The following ELMO1 variants were observed in gnomAD, a reference collection of about 807,000 sequenced individuals.
The protein encoded by ELMO1 is engulfment and cell motility protein 1.
ELMO1 carries 26 observed loss-of-function variants against 98.9 expected under a neutral mutation model. The ratio of observed to expected loss-of-function variants is 0.26; its 90% CI spans 0.19 to 0.36. The LOEUF (loss-of-function observed/expected upper bound fraction) is 0.36, where lower values mean the gene tolerates loss of function less well. Among genes scored for constraint, ELMO1 ranks in the 10% least tolerant of loss-of-function variants. The probability of loss-of-function intolerance (pLI) is 1.00; values close to 1 mark genes in which losing one functional copy is unlikely to be tolerated. For synonymous variants in ELMO1, 346 were observed against 346.0 expected, an observed-to-expected ratio of 1.00 and a Z score of 0.00; for missense variants, 627 against 935.2, an observed-to-expected ratio of 0.67 and a Z score of 4.30.
intron 13 of ELMO1, among the ~76,000 whole-genome samples, chr7:37,169,201 G>C (rs1376036975): frequency 6.6e-6 from 1 of 152,202 alleles, no homozygotes; most frequent in African/African-American, 2.4e-5. Context: ...GAAAAGCGCA[G>C]TATTCGGGTG....
At position 37,188,501 on chromosome 7, in the gene ELMO1, A is replaced by ATAATAATAAT. The variant is rs1554438184; in HGVS notation, c.1086+22884_1086+22885insATTATTATTA. On this transcript the variant is annotated intron_variant, in intron 13 of 21. Transcript: ENST00000310758. ...CTGGAGAAAGGTAAAAAAAAAAAAAAAATAATAATAATAATAATAATAATA... is the reference window on the plus strand; with the variant it reads ...CTGGAGAAAGGTAAAAAAAAAAAAAATAATAATAATAATAATAATAATAATAATAATAATA... Among the ~76,000 whole-genome samples, 243 of 125,940 alleles carry ATAATAATAAT rather than the reference A, an allele frequency of 1.9e-3. 7 individuals are homozygous for ATAATAATAAT. The highest frequency in any genetic ancestry group is 2.4e-3 in the East Asian group (11 of 4,546). 82.6% of individuals were successfully genotyped at this position (125,940 alleles called of 152,430 possible). A position where few individuals can be genotyped will look rare whatever the true frequency, so the allele number is the denominator to read the frequency against.
chr7:37,004,838 C>T (rs954486506), intron 16 of ELMO1, among the ~76,000 whole-genome samples: 3 of 151,976 alleles, frequency 2.0e-5, no homozygotes, highest in South Asian at 2.1e-4. Context: ...GGGCCGGGCG[C>T]GGTGGCTCAT....
At chr7:37,168,634 G>A (rs1044234939) in intron 13 of ELMO1, among the ~76,000 whole-genome samples, 8 of 152,128 alleles carry the variant, frequency 5.3e-5, no homozygotes, top group Non-Finnish European at 7.3e-5. Context: ...TATCAGCAGC[G>A]GTGTTTGCAG....
chr7:36,857,830 C>T (rs1385708996), intron 21 of ELMO1, among the ~76,000 whole-genome samples: 1 of 152,142 alleles, frequency 6.6e-6, no homozygotes, highest in Admixed American at 6.5e-5. Flanking sequence ...TTTCCCACTA[C>T]AAGTAATCAA....
intron 19 of ELMO1, among the ~76,000 whole-genome samples, chr7:36,877,119 G>A (rs978498755): frequency 6.6e-6 from 1 of 152,068 alleles, no homozygotes; most frequent in Non-Finnish European, 1.5e-5. Context: ...TGGGCCCCAG[G>A]GTAACAGGAC....
At chr7:36,914,831 T>G (rs1784579018) in intron 16 of ELMO1, among the ~76,000 whole-genome samples, 1 of 152,182 alleles carries the variant, frequency 6.6e-6, no homozygotes, top group South Asian at 2.1e-4. Flanking sequence ...TGTACATTCT[T>G]AACTCTCCAT....
chr7:37,108,979 T>C (rs939699362), intron 14 of ELMO1, among the ~76,000 whole-genome samples: 1 of 152,228 alleles, frequency 6.6e-6, no homozygotes, highest in African/African-American at 2.4e-5. Context: ...TTCCCTATTC[T>C]ATGTCATTTG....
chr7:36,887,666 T>G lies in ELMO1; in HGVS notation c.1608A>C (p.Leu536=), dbSNP rs1456341562. The change falls in exon 18 of 22, where the codon CTA becomes CTC. Residue 536 remains leucine, a synonymous_variant. Coordinates refer to ENST00000310758, the MANE Select transcript of ELMO1 (RefSeq NM_014800.11). ...EDFQSRPILE[L]KEKIQPEILE... is the part of the protein sequence containing the mutation. Reference sequence around the variant, plus strand: ...AGATTTCTGGCTGAATCTTCTCCTTTAGTTCCCTGTTAGAGGAAAAACACA... The same window carrying G: ...AGATTTCTGGCTGAATCTTCTCCTTGAGTTCCCTGTTAGAGGAAAAACACA... The G allele has an allele frequency of 6.2e-7, 1 of 1,614,030 alleles. No individual in the cohort carries two copies. Among genetic ancestry groups the G allele is most frequent in the East Asian group, 2.2e-5 (1 of 44,870 alleles).
At position 37,376,116 on chromosome 7, in the gene ELMO1, T is replaced by G. The variant is rs1029158114; in HGVS notation, c.-73-33353A>C. On this transcript the variant is annotated intron_variant, in intron 1 of 21. Transcript: ENST00000310758. ...AAACAAACAAAAAAAACACTGATTC[T>G]TACAGCTCTTGAAGGAAGTGATGAA... is the stretch of plus-strand genomic sequence containing the variant. The G allele has an allele frequency of 2.2e-5, 7 of 325,436 alleles. 1 individual carries two copies. Among genetic ancestry groups the G allele is most frequent in the South Asian group, 8.3e-5 (3 of 36,360 alleles). The allele number at this position is 325,436 out of a possible 1,614,324, so 20.2% of individuals were successfully genotyped here. A position where few individuals can be genotyped will look rare whatever the true frequency, so the allele number is the denominator to read the frequency against.
At chr7:37,163,598 T>C (rs1417639827) in intron 13 of ELMO1, among the ~76,000 whole-genome samples, 1 of 151,680 alleles carries the variant, frequency 6.6e-6, no homozygotes, top group African/African-American at 2.4e-5. Context: ...CGGTGTTTGG[T>C]TTTTTGTTCT....
At chr7:36,967,598 G>A (rs1214570660) in intron 16 of ELMO1, among the ~76,000 whole-genome samples, 1 of 152,130 alleles carries the variant, frequency 6.6e-6, no homozygotes, top group Non-Finnish European at 1.5e-5. Context: ...GGGAGAGAAA[G>A]GACAGAGAAA....
In ELMO1 at chr7:37,282,617, C is replaced by G. The variant is rs549252262; in HGVS notation, c.193-10735G>C. On this transcript the variant is annotated intron_variant, in intron 4 of 21. Coordinates refer to ENST00000310758, the MANE Select transcript of ELMO1 (RefSeq NM_014800.11). ...CCCTAAAATAAAATCCAGACACCAC[C>G]CCCCAAAAAAAGAAACAGGGGAAAA... Among the ~76,000 whole-genome samples, 12 of 61,300 alleles carry G rather than the reference C, an allele frequency of 2.0e-4. No homozygotes were observed. The South Asian group carries it at 4.6e-3, about 23-fold the overall frequency. 40.2% of individuals were successfully genotyped at this position (61,300 alleles called of 152,430 possible). A position where few individuals can be genotyped will look rare whatever the true frequency, so the allele number is the denominator to read the frequency against.
chr7:37,183,180 G>A (rs375356633), intron 13 of ELMO1, among the ~76,000 whole-genome samples: 1 of 150,794 alleles, frequency 6.6e-6, no homozygotes, highest in Admixed American at 6.6e-5. Context: ...CTGAAGAGGA[G>A]GACGATCTGG....
intron 18 of ELMO1, among the ~76,000 whole-genome samples, chr7:36,882,458 G>C (rs921561044): frequency 8.5e-5 from 13 of 152,342 alleles, no homozygotes; most frequent in African/African-American, 3.1e-4. Context: ...CAGAGACGAA[G>C]GGCATCAAAT....
intron 14 of ELMO1, among the ~76,000 whole-genome samples, chr7:37,104,683 G>A (rs1784843198): frequency 6.6e-6 from 1 of 152,218 alleles, no homozygotes; most frequent in South Asian, 2.1e-4. Context: ...CCAGGCAGCT[G>A]AGATGGGCTT....
chr7:37,209,524 C>T lies in ELMO1; in HGVS notation c.1086+1862G>A, dbSNP rs1284898723. 4.6e-5 allele frequency among the ~76,000 whole-genome samples: 7 copies of T among 152,314 alleles called. No individual in the cohort carries two copies. In the South Asian group the frequency reaches 1.0e-3, roughly 23 times the overall value. ...GGAGCACCCTAGAACCAGGCTCTCC[C>T]TCAGAAGAGGAATCAATTAAGAGTA... On this transcript the variant is annotated intron_variant, in intron 13 of 21. Coordinates refer to ENST00000310758, the MANE Select transcript of ELMO1 (RefSeq NM_014800.11).
chr7:37,145,855 T>C (rs1175444228), intron 13 of ELMO1, among the ~76,000 whole-genome samples: 5 of 152,228 alleles, frequency 3.3e-5, no homozygotes, highest in African/African-American at 1.2e-4. Context: ...TATTCAAGGC[T>C]ATTTCTTGAG....
chr7:37,027,654 C>A (rs1794655534), intron 15 of ELMO1, among the ~76,000 whole-genome samples: 1 of 152,084 alleles, frequency 6.6e-6, no homozygotes, highest in Non-Finnish European at 1.5e-5. Context: ...GTCCCTTAAA[C>A]AAGTGAGGGT....
At chr7:36,903,057 G>A (rs1019595046) in intron 16 of ELMO1, among the ~76,000 whole-genome samples, 17 of 152,200 alleles carry the variant, frequency 1.1e-4, no homozygotes, top group African/African-American at 4.1e-4. Flanking sequence ...CCTCTTGGGT[G>A]AAGGCCAGCC....
Sources: gnomAD v4.1 joint callset for allele counts (sites outside exome capture counted in the v4.1 genomes callset) on GRCh38, gnomAD v4.1.1 for gene constraint, MANE v1.5 for transcripts, NCBI Gene and HGNC (gene_info 2026-07-23, HGNC 2026-07-21) for gene names.